Variants in NTM observed in about 807,000 individuals in gnomAD.
NTM encodes the protein IgLON family member 2.
In NTM, 13 loss-of-function variants were observed where a neutral mutation model predicts 42.1. The observed-to-expected ratio is 0.31, with a 90% confidence interval of 0.20 to 0.49. The LOEUF (loss-of-function observed/expected upper bound fraction) is 0.49, where lower values mean the gene tolerates loss of function less well. Ranked by LOEUF, NTM falls within the 20% of genes least tolerant of loss-of-function variation. The pLI, the probability that NTM is intolerant of heterozygous loss-of-function variation, is 0.99. For missense variants in NTM, 373 were observed against 452.8 expected (o/e 0.82, Z 1.60); for synonymous variants, 187 against 179.2 (o/e 1.04, Z -0.35).
intron 2 of NTM, among the ~76,000 whole-genome samples, chr11:132,036,167 T>G (rs1364616181): frequency 6.6e-6 from 1 of 152,164 alleles, no homozygotes; most frequent in African/African-American, 2.4e-5. Flanking sequence ...GCGTGTTAAA[T>G]GGTGTACTAG....
At position 132,250,131 on chromosome 11, in the gene NTM, C is replaced by T. The variant is rs755841564; in HGVS notation, c.526+37984C>T. 6.0e-4 allele frequency among the ~76,000 whole-genome samples: 91 copies of T among 152,266 alleles called. 1 individual carries two copies. The highest frequency in any genetic ancestry group is 3.9e-4 in the Admixed American group (6 of 15,286). ...GTCTTATTTTGTCCTGATTCCTGAA[C>T]GGTACTTATTCTGATACAGAATGTT... On this transcript the variant is annotated intron_variant, in intron 4 of 8. Coordinates refer to ENST00000683400, the MANE Select transcript of NTM (RefSeq NM_001352005.2).
intron 2 of NTM, among the ~76,000 whole-genome samples, chr11:132,126,609 T>G (rs1433862107): frequency 2.0e-5 from 3 of 152,150 alleles, no homozygotes; most frequent in Non-Finnish European, 4.4e-5. Flanking sequence ...GGTTTTACTT[T>G]TATTTCTCCC....
chr11:132,061,976 T>A (rs1413752200), intron 2 of NTM, among the ~76,000 whole-genome samples: 1 of 152,028 alleles, frequency 6.6e-6, no homozygotes, highest in African/African-American at 2.4e-5. Flanking sequence ...TTTGCTAGTT[T>A]TAATTGGTAG....
At chr11:132,014,096 C>T (rs2072867852) in intron 2 of NTM, among the ~76,000 whole-genome samples, 2 of 152,076 alleles carry the variant, frequency 1.3e-5, no homozygotes, top group African/African-American at 4.8e-5. Flanking sequence ...ATTCTACTCT[C>T]TACCTCCGTG....
At chr11:131,453,368 G>A (rs1019748028) in intron 1 of NTM, among the ~76,000 whole-genome samples, 3 of 152,110 alleles carry the variant, frequency 2.0e-5, no homozygotes, top group Admixed American at 6.5e-5. Flanking sequence ...TGAGTAGTCT[G>A]AATTTTTTCA....
chr11:131,543,198 C>A (rs1051347345), intron 1 of NTM, among the ~76,000 whole-genome samples: 2 of 152,204 alleles, frequency 1.3e-5, no homozygotes, highest in Admixed American at 6.5e-5. Flanking sequence ...TGTAACCATG[C>A]AGGAAGAAAT....
intron 2 of NTM, among the ~76,000 whole-genome samples, chr11:132,113,428 G>T (rs192374320): frequency 6.6e-6 from 1 of 152,162 alleles, no homozygotes; most frequent in African/African-American, 2.4e-5. Flanking sequence ...TGTGCACCAC[G>T]TACACATTTT....
chr11:132,111,786 C>T (rs557011126), intron 2 of NTM, among the ~76,000 whole-genome samples: 1 of 152,224 alleles, frequency 6.6e-6, no homozygotes, highest in African/African-American at 2.4e-5. Context: ...AAATAGAATA[C>T]GTTTCTTCTA....
At chr11:132,001,531 C>T (rs1228009695) in intron 2 of NTM, among the ~76,000 whole-genome samples, 1 of 151,962 alleles carries the variant, frequency 6.6e-6, no homozygotes, top group African/African-American at 2.4e-5. Flanking sequence ...TCAACCATGG[C>T]AAAAGGTAAA....
intron 1 of NTM, among the ~76,000 whole-genome samples, chr11:131,839,054 G>A (rs1592199816): frequency 2.0e-5 from 3 of 151,520 alleles, no homozygotes; most frequent in South Asian, 2.1e-4. Context: ...TCTGCCTCCC[G>A]GGTTCATGCG....
intron 2 of NTM, among the ~76,000 whole-genome samples, chr11:132,038,382 G>C (rs2076765315): frequency 6.6e-6 from 1 of 152,100 alleles, no homozygotes; most frequent in African/African-American, 2.4e-5. Flanking sequence ...GGGTGTGATT[G>C]AGGACAGTTT....
chr11:131,838,962 C>CTT (rs552384739), intron 1 of NTM, among the ~76,000 whole-genome samples: 6,764 of 137,058 alleles, frequency 0.049, 561 homozygotes, highest in African/African-American at 0.17. Flanking sequence ...AGTAAATAAT[C>CTT]TTTTTTTTTT....
intron 1 of NTM, among the ~76,000 whole-genome samples, chr11:131,607,887 GT>G: frequency 9.1e-6 from 1 of 110,110 alleles, no homozygotes; most frequent in Middle Eastern, 4.6e-3. Context: ...TTGGTTTTTT[GT>G]GTTTTTTTTT....
At chr11:131,878,019 C>G (rs1159984534) in intron 1 of NTM, 1 of 152,190 alleles carries the variant, frequency 6.6e-6, no homozygotes, top group Non-Finnish European at 1.5e-5. Context: ...TCCTTTGGTC[C>G]TTGAAAGCAT....
chr11:131,922,705 ACTC>A (rs1404063984), intron 2 of NTM, among the ~76,000 whole-genome samples: 3 of 150,990 alleles, frequency 2.0e-5, no homozygotes, highest in African/African-American at 7.3e-5. Flanking sequence ...CCTTGTTTCT[ACTC>A]CTGTTCCCCT....
chr11:131,472,251 A>G lies in NTM; in HGVS notation c.82+101363A>G, dbSNP rs559879230. Among the ~76,000 whole-genome samples the G allele has an allele frequency of 2.0e-5, 3 of 152,274 alleles. No homozygotes were observed. The South Asian group carries it at 6.2e-4, about 32-fold the overall frequency. ...TAATTACACTGGGTATCCCCCCTGC[A>G]TGGTGTCAGCCCCCACTCTCTGGAA... On this transcript the variant is annotated intron_variant, in intron 1 of 8. Transcript: ENST00000683400.
rs1565553001 is a variant in NTM at position 131,789,632 on chromosome 11, AAGAAAAGAAGAAG to A, written c.83-121930_83-121918del. ...GAAGAAGAAGAAGAAGAAGAAGAAG[AAGAAAAGAAGAAG>A]AAGAAGAAGAAGAAGAAGAAGAAAG... On this transcript the variant is annotated intron_variant, in intron 1 of 8. Transcript: ENST00000683400. Among the ~76,000 whole-genome samples, 2 of 90,444 alleles carry A rather than the reference AAGAAAAGAAGAAG, an allele frequency of 2.2e-5. 1 individual carries two copies. The highest frequency in any genetic ancestry group is 8.5e-5 in the African/African-American group (2 of 23,508). The allele number at this position is 90,444 out of a possible 152,430, so 59.3% of individuals were successfully genotyped here.
chr11:132,335,243 C>A lies in NTM; in HGVS notation c.*97C>A. On this transcript the variant is annotated 3_prime_UTR_variant, in exon 9 of 9. Coordinates refer to ENST00000683400, the MANE Select transcript of NTM (RefSeq NM_001352005.2). ...CCGACAGCAACCAATCAGATATATA[C>A]AAATGAAATTAGAAGAAACACAGCC... The A allele has an allele frequency of 7.6e-7, 1 of 1,311,678 alleles. No individual in the cohort carries two copies. 81.3% of individuals were successfully genotyped at this position (1,311,678 alleles called of 1,614,324 possible). A position where few individuals can be genotyped will look rare whatever the true frequency, so the allele number is the denominator to read the frequency against.
intron 3 of NTM, among the ~76,000 whole-genome samples, chr11:132,157,659 C>G (rs922614338): frequency 1.4e-5 from 2 of 142,602 alleles, no homozygotes; most frequent in Non-Finnish European, 3.2e-5. Context: ...GGGAGAGGGA[C>G]CTCGTATTTG....
Sources: allele counts gnomAD v4.1 joint callset (sites outside exome capture counted in the v4.1 genomes callset), GRCh38; gene constraint gnomAD v4.1.1; transcripts MANE v1.5; gene names NCBI Gene and HGNC (gene_info 2026-07-23, HGNC 2026-07-21).